Variants in CCDC112 observed in about 807,000 individuals in gnomAD.
The protein encoded by CCDC112 is coiled-coil domain containing 112.
In CCDC112, 40 loss-of-function variants were observed where a neutral mutation model predicts 66.3. The ratio of observed to expected loss-of-function variants is 0.60; its 90% CI spans 0.47 to 0.79. CCDC112 has a LOEUF of 0.79. Among genes scored for constraint, CCDC112 ranks in the 30% least tolerant of loss-of-function variants. The probability of loss-of-function intolerance (pLI) is 0.00; values close to 1 mark genes in which losing one functional copy is unlikely to be tolerated. For synonymous variants in CCDC112, 214 were observed against 197.2 expected, an observed-to-expected ratio of 1.09 and a Z score of -0.71; for missense variants, 659 against 603.8, an observed-to-expected ratio of 1.09 and a Z score of -0.96.
chr5:115,281,357 C>T lies in CCDC112; in HGVS notation c.240-1589G>A, dbSNP rs75628990. 2.4e-3 allele frequency among the ~76,000 whole-genome samples: 364 copies of T among 152,256 alleles called. 1 individual carries two copies. Among genetic ancestry groups the T allele is most frequent in the African/African-American group, 8.1e-3 (337 of 41,536 alleles). ...AGAAAAATTTAATATTCATAAGACA[C>T]ATGGGGGTAGACAGATGAGACTGCC... On this transcript the variant is annotated intron_variant, in intron 2 of 9. Transcript: ENST00000379611.
At chr5:115,272,271 C>A (rs1264155834) in intron 6 of CCDC112, among the ~76,000 whole-genome samples, 2 of 152,150 alleles carry the variant, frequency 1.3e-5, no homozygotes, top group East Asian at 3.9e-4. Context: ...CTCTGATCAT[C>A]TCATTTCTGC....
intron 9 of CCDC112, 27 bp from the exon 10 acceptor site, chr5:115,267,945 G>T (rs1227130695): frequency 1.3e-6 from 2 of 1,574,836 alleles, no homozygotes; most frequent in Non-Finnish European, 1.7e-6. Flanking sequence ...AAAAGCAATT[G>T]TAAATATGTA....
chr5:115,288,500 C>A (rs1749782476), intron 1 of CCDC112, among the ~76,000 whole-genome samples: 1 of 152,154 alleles, frequency 6.6e-6, no homozygotes, highest in Admixed American at 6.5e-5. Flanking sequence ...ACTACCATAA[C>A]CAAAGATGTC....
intron 7 of CCDC112, 38 bp downstream of exon 7, chr5:115,271,175 T>C (rs754643983): frequency 3.9e-6 from 6 of 1,531,048 alleles, no homozygotes; most frequent in Non-Finnish European, 5.2e-6. Flanking sequence ...CCTCCATGTG[T>C]AGCATTTAAA....
At chr5:115,290,001 T>A (rs2127074474) in intron 1 of CCDC112, among the ~76,000 whole-genome samples, 1 of 152,354 alleles carries the variant, frequency 6.6e-6, no homozygotes, top group African/African-American at 2.4e-5. Context: ...AAAAGTTTTT[T>A]AATTTTGATG....
At chr5:115,277,131 T>G (rs1749240536) in intron 3 of CCDC112, 77 bp from the exon 4 acceptor site, 1 of 790,756 alleles carries the variant, frequency 1.3e-6, no homozygotes, top group Non-Finnish European at 2.2e-6. Context: ...CATGTAAGAC[T>G]GATCACTGTT....
intron 2 of CCDC112, among the ~76,000 whole-genome samples, chr5:115,283,952 T>A (rs1749565744): frequency 6.6e-6 from 1 of 152,142 alleles, no homozygotes; most frequent in South Asian, 2.1e-4. Context: ...ACATTGAACA[T>A]TCAATAAATA....
At position 115,284,831 on chromosome 5, in the gene CCDC112, A is replaced by T. The variant is rs61741404; in HGVS notation, c.195T>A (p.Thr65=). The T allele has an allele frequency of 2.2e-3, 3,622 of 1,611,564 alleles. 77 individuals are homozygous for T. In the African/African-American group the frequency reaches 0.043, roughly 19 times the overall value. ...CTGTGCGTACAAATTCTGCTTTCTT[A>T]GTCTGATTAACTTTCTGCTTCCAGT... is the stretch of plus-strand genomic sequence containing the variant. ...LQNWKQKVNQ[T]KKAEFVRTAE... is the part of the protein sequence containing the mutation. The change falls in exon 2 of 10, where the codon ACT becomes ACA. Residue 65 remains threonine (T), a synonymous_variant. Transcript: ENST00000379611.
At chr5:115,273,670 A>T (rs1233652939) in intron 6 of CCDC112, among the ~76,000 whole-genome samples, 1 of 152,172 alleles carries the variant, frequency 6.6e-6, no homozygotes, top group Non-Finnish European at 1.5e-5. Flanking sequence ...CTTTTTCCTA[A>T]AGAGGTGGTT....
chr5:115,296,512 G>T lies in CCDC112; in HGVS notation c.32C>A (p.Ala11Asp). 6.5e-7 allele frequency: 1 copy of T among 1,546,152 alleles called. No homozygotes were observed. The change falls in exon 1 of 10, where the codon GCT (alanine) becomes GAT (aspartate). Residue 11 changes from alanine to aspartate, a missense_variant. Ala to Asp is a moderately radical substitution (Grantham distance 126, BLOSUM62 -2). Coordinates refer to ENST00000379611, the MANE Select transcript of CCDC112 (RefSeq NM_001040440.3). The part of the protein sequence containing the change: MAALTTVVVA[A>D]AATAVAGAVA... ...AGCCCCGGCTACCGCGGTGGCCGCA[G>T]CCGCTACCACAACCGTCGTCAGTGC... is the stretch of plus-strand genomic sequence containing the variant.
Position 115,296,439 on chromosome 5 carries a change from T to C in CCDC112, c.105A>G (p.Pro35=). ...AATGTGVGAT[P]APQQSDGCFS... is the part of the protein sequence containing the mutation. Reference sequence around the variant, plus strand: ...CTCCCGGATTTACCTGTTGAGGCGCTGGCGTCGCTCCCACGCCGGTCCCGG... The same window carrying C: ...CTCCCGGATTTACCTGTTGAGGCGCCGGCGTCGCTCCCACGCCGGTCCCGG... The change falls in exon 1 of 10, where the codon CCA becomes CCG. Residue 35 remains proline (P), a synonymous_variant. Transcript: ENST00000379611. 1.3e-6 allele frequency: 2 copies of C among 1,566,400 alleles called. No individual in the cohort carries two copies. Among genetic ancestry groups the C allele is most frequent in the Non-Finnish European group, 1.7e-6 (2 of 1,164,484 alleles).
At chr5:115,272,504 T>C (rs1468402253) in intron 6 of CCDC112, among the ~76,000 whole-genome samples, 2 of 152,234 alleles carry the variant, frequency 1.3e-5, no homozygotes, top group Admixed American at 6.5e-5. Flanking sequence ...GTAGGATTTC[T>C]TGCACAGTGT....
At chr5:115,269,514 T>G (rs988064429) in intron 8 of CCDC112, 189 bp downstream of exon 8, 2 of 532,658 alleles carry the variant, frequency 3.8e-6, no homozygotes, top group South Asian at 2.4e-5. Context: ...TAAGGTAAAA[T>G]GACAGAATTC....
chr5:115,292,054 C>G (rs267302), intron 1 of CCDC112, among the ~76,000 whole-genome samples: 1 of 152,108 alleles, frequency 6.6e-6, no homozygotes, highest in Non-Finnish European at 1.5e-5. Context: ...AAATTTGGGA[C>G]GTCTTCTATT....
At position 115,271,289 on chromosome 5, in the gene CCDC112, T is replaced by C; in HGVS notation, c.1256A>G (p.Lys419Arg). The change falls in exon 7 of 10, where the codon AAG (lysine) becomes AGG (arginine). Residue 419 changes from lysine (K) to arginine (R), a missense_variant. By Grantham distance (26) the Lys-to-Arg change is conservative. Coordinates refer to ENST00000379611, the MANE Select transcript of CCDC112 (RefSeq NM_001040440.3). ...KEQEEFLRLE[K>R]EIREKAEKAE... ...CTTTTCTGCCTTTTCCCTTATCTCC[T>C]TTTCAAGCCTCAAAAATTCTTCCTG... 4 of 1,609,290 alleles carry C rather than the reference T, an allele frequency of 2.5e-6. No individual in the cohort carries two copies. Among genetic ancestry groups the C allele is most frequent in the Non-Finnish European group, 3.4e-6 (4 of 1,178,960 alleles).
rs1447331978 is a variant in CCDC112 at position 115,275,541 on chromosome 5, A to T, written c.593T>A (p.Ile198Asn). The stretch of plus-strand genomic sequence containing the variant: ...TGAATTACCCAAAGCCCATGTGTCA[A>T]TTTTTCTTGATATGGCACTCAACTC... Reference protein sequence around the residue: ...NNELSAISRKIDTWALGNSET... With the variant: ...NNELSAISRKNDTWALGNSET... The change falls in exon 6 of 10, where the codon ATT becomes AAT. Residue 198 changes from isoleucine (I) to asparagine (N), a missense_variant. By Grantham distance (149) the Ile-to-Asn change is moderately radical. Coordinates refer to ENST00000379611, the MANE Select transcript of CCDC112 (RefSeq NM_001040440.3). 1.2e-6 allele frequency: 2 copies of T among 1,613,374 alleles called. No individual in the cohort carries two copies. Among genetic ancestry groups the T allele is most frequent in the African/African-American group, 2.7e-5 (2 of 74,930 alleles).
At chr5:115,291,690 T>C (rs573737348) in intron 1 of CCDC112, among the ~76,000 whole-genome samples, 53 of 152,336 alleles carry the variant, frequency 3.5e-4, no homozygotes, top group Non-Finnish European at 6.3e-4. Context: ...CCTTTTAATG[T>C]AGGGCAATTA....
At position 115,284,649 on chromosome 5, in the gene CCDC112, CTT is replaced by C. The variant is rs1185391341; in HGVS notation, c.239+136_239+137del. On this transcript the variant is annotated intron_variant, in intron 2 of 9. Coordinates refer to ENST00000379611, the MANE Select transcript of CCDC112 (RefSeq NM_001040440.3). ...ATTATTTCATACCTCCCATCTTTCT[CTT>C]GTTATATTTGACAGGCTAGTGATTA... 5.5e-6 allele frequency: 3 copies of C among 546,020 alleles called. No individual in the cohort carries two copies. In the East Asian group the frequency reaches 8.6e-5, roughly 16 times the overall value. 33.8% of individuals were successfully genotyped at this position (546,020 alleles called of 1,614,324 possible).
chr5:115,294,573 T>C (rs555971341), intron 1 of CCDC112, among the ~76,000 whole-genome samples: 132 of 152,340 alleles, frequency 8.7e-4, no homozygotes, highest in African/African-American at 3.0e-3. Context: ...AGCATTTTGT[T>C]ATAGAAGCCC....
Sources: allele counts gnomAD v4.1 joint callset (sites outside exome capture counted in the v4.1 genomes callset), GRCh38; gene constraint gnomAD v4.1.1; transcripts MANE v1.5; gene names NCBI Gene and HGNC (gene_info 2026-07-23, HGNC 2026-07-21).